AUTS2: variants seen among roughly 807,000 people sequenced by gnomAD.
AUTS2 encodes the protein autism susceptibility gene 2 protein.
Under a neutral mutation model 112.4 loss-of-function variants are expected in AUTS2, and 17 were observed. The ratio of observed to expected loss-of-function variants is 0.15; its 90% CI spans 0.10 to 0.23. The LOEUF is 0.23. Ranked by LOEUF, AUTS2 falls within the 10% of genes least tolerant of loss-of-function variation. AUTS2 has a pLI of 1.00. For missense variants in AUTS2, 1,510 were observed against 1,701.6 expected, an observed-to-expected ratio of 0.89 and a Z score of 1.98; for synonymous variants, 751 against 702.7, an observed-to-expected ratio of 1.07 and a Z score of -1.09.
At chr7:70,203,428 C>G (rs1810406329) in intron 4 of AUTS2, among the ~76,000 whole-genome samples, 1 of 149,104 alleles carries the variant, frequency 6.7e-6, no homozygotes, top group South Asian at 2.1e-4. Context: ...TGTTGAATGC[C>G]TAAAGAATGG....
intron 1 of AUTS2, among the ~76,000 whole-genome samples, chr7:69,682,635 A>G (rs1396502543): frequency 6.6e-6 from 1 of 152,238 alleles, no homozygotes; most frequent in Non-Finnish European, 1.5e-5. Context: ...GTCTTTTCAA[A>G]GGTGAGTAGA....
intron 4 of AUTS2, among the ~76,000 whole-genome samples, chr7:70,222,160 A>G (rs1811520895): frequency 6.6e-6 from 1 of 152,210 alleles, no homozygotes; most frequent in Admixed American, 6.5e-5. Flanking sequence ...TTACATATTT[A>G]TGTTATTTAA....
chr7:70,644,198 GAACA>G (rs1390432806), intron 5 of AUTS2, among the ~76,000 whole-genome samples: 1 of 152,182 alleles, frequency 6.6e-6, no homozygotes, highest in Admixed American at 6.5e-5. Flanking sequence ...GTTGTGGAGG[GAACA>G]AACAAAGAAT....
At chr7:70,262,423 C>T (rs1787215105) in intron 4 of AUTS2, among the ~76,000 whole-genome samples, 1 of 152,178 alleles carries the variant, frequency 6.6e-6, no homozygotes, top group Admixed American at 6.5e-5. Flanking sequence ...CTCCTGACGT[C>T]AAGTGATCCA....
At chr7:70,519,852 C>CAA (rs1468286188) in intron 5 of AUTS2, among the ~76,000 whole-genome samples, 1 of 152,030 alleles carries the variant, frequency 6.6e-6, no homozygotes, top group Non-Finnish European at 1.5e-5. Context: ...TGAGGAGGGG[C>CAA]AAAGGAAGCC....
At chr7:70,140,439 A>G (rs1207004355) in intron 4 of AUTS2, among the ~76,000 whole-genome samples, 2 of 152,180 alleles carry the variant, frequency 1.3e-5, no homozygotes, top group African/African-American at 4.8e-5. Context: ...CAGAGAACCT[A>G]TCACTATTTA....
chr7:69,893,130 G>A (rs544951169), intron 1 of AUTS2, among the ~76,000 whole-genome samples: 2 of 152,328 alleles, frequency 1.3e-5, no homozygotes, highest in East Asian at 3.9e-4. Context: ...CAATGTGTAT[G>A]CACATAGTAG....
chr7:70,324,168 A>G (rs935404577), intron 4 of AUTS2, among the ~76,000 whole-genome samples: 7 of 152,200 alleles, frequency 4.6e-5, no homozygotes, highest in Non-Finnish European at 8.8e-5. Context: ...CATGAAAACT[A>G]GGCCGTACAT....
At chr7:69,906,763 G>A (rs149098142) in intron 2 of AUTS2, among the ~76,000 whole-genome samples, 86 of 152,262 alleles carry the variant, frequency 5.6e-4, no homozygotes, top group African/African-American at 1.6e-3. Flanking sequence ...ATTCAGTTAT[G>A]TATATACATA....
chr7:69,690,966 C>T (rs764938513), intron 1 of AUTS2, among the ~76,000 whole-genome samples: 15 of 151,320 alleles, frequency 9.9e-5, no homozygotes, highest in Admixed American at 5.3e-4. Flanking sequence ...AGCAGGTCAT[C>T]CTGACGAGTT....
At chr7:69,879,434 G>A (rs1411389549) in intron 1 of AUTS2, among the ~76,000 whole-genome samples, 2 of 151,938 alleles carry the variant, frequency 1.3e-5, no homozygotes, top group Admixed American at 1.3e-4. Context: ...GCAGGCGCGA[G>A]CCACTGTGCC....
chr7:70,472,066 C>T (rs1194815711), intron 5 of AUTS2, among the ~76,000 whole-genome samples: 1 of 152,166 alleles, frequency 6.6e-6, no homozygotes, highest in Non-Finnish European at 1.5e-5. Flanking sequence ...TGTGTCCTCC[C>T]ACATGCTCTG....
intron 6 of AUTS2, among the ~76,000 whole-genome samples, chr7:70,755,650 A>G (rs571767590): frequency 2.3e-4 from 35 of 152,182 alleles, no homozygotes; most frequent in African/African-American, 8.4e-4. Flanking sequence ...ACCCTGGGCG[A>G]CAGAGTGAGA....
At chr7:70,716,636 CAAAAAAAAAAA>C (rs34972760) in intron 6 of AUTS2, among the ~76,000 whole-genome samples, 112 of 64,920 alleles carry the variant, frequency 1.7e-3, no homozygotes, top group African/African-American at 4.9e-3. Flanking sequence ...GACTCCGTCT[CAAAAAAAAAAA>C]AAAAAAAAAA....
At chr7:70,705,084 T>C (rs1350880063) in intron 6 of AUTS2, among the ~76,000 whole-genome samples, 1 of 152,216 alleles carries the variant, frequency 6.6e-6, no homozygotes, top group African/African-American at 2.4e-5. Context: ...TTATTTTATT[T>C]TGGCAGTAAA....
intron 6 of AUTS2, among the ~76,000 whole-genome samples, chr7:70,724,461 T>TTTTTTTTTTTTTTTTC (rs1786896039): frequency 6.8e-6 from 1 of 147,284 alleles, no homozygotes; most frequent in Non-Finnish European, 1.5e-5. Context: ...TTTTTTTTTT[T>TTTTTTTTTTTTTTTTC]TTGAGACAGA....
chr7:70,206,119 TC>T, intron 4 of AUTS2, among the ~76,000 whole-genome samples: 2 of 152,328 alleles, frequency 1.3e-5, no homozygotes, highest in South Asian at 4.1e-4. Flanking sequence ...AGAACTGTTC[TC>T]TTCCCTCCTC....
intron 5 of AUTS2, among the ~76,000 whole-genome samples, chr7:70,467,670 T>C (rs1797219126): frequency 6.6e-6 from 1 of 152,208 alleles, no homozygotes; most frequent in South Asian, 2.1e-4. Flanking sequence ...CCCCATTTTA[T>C]ATGTGAGGAA....
At chr7:69,880,714 A>G (rs1227884279) in intron 1 of AUTS2, among the ~76,000 whole-genome samples, 1 of 152,202 alleles carries the variant, frequency 6.6e-6, no homozygotes, top group East Asian at 1.9e-4. Flanking sequence ...TTGTGCTCTT[A>G]TCACTTCCTT....
Sources: allele counts gnomAD v4.1 joint callset (sites outside exome capture counted in the v4.1 genomes callset), GRCh38; gene constraint gnomAD v4.1.1; transcripts MANE v1.5; gene names NCBI Gene and HGNC (gene_info 2026-07-23, HGNC 2026-07-21).